SRSF5: variants seen among roughly 807,000 people sequenced by gnomAD.
SRSF5 encodes serine and arginine rich splicing factor 5.
Under a neutral mutation model 34.0 loss-of-function variants are expected in SRSF5, and 5 were observed. The ratio of observed to expected loss-of-function variants is 0.15; its 90% CI spans 0.08 to 0.31. The LOEUF is 0.31. Ranked by LOEUF, SRSF5 falls within the 10% of genes least tolerant of loss-of-function variation. The pLI, the probability that SRSF5 is intolerant of heterozygous loss-of-function variation, is 1.00. For missense variants in SRSF5, 223 were observed against 351.4 expected, an observed-to-expected ratio of 0.63 and a Z score of 2.92; for synonymous variants, 164 against 117.7, an observed-to-expected ratio of 1.39 and a Z score of -2.55.
chr14:69,770,939 C>T (rs1883129963), intron 6 of SRSF5, 56 bp from the exon 7 acceptor site: 1 of 1,436,672 alleles, frequency 7.0e-7, no homozygotes, highest in African/African-American at 1.4e-5. Context: ...CTGCTGTGTG[C>T]AATGTGTGAG....
chr14:69,767,559 G>T (rs1392180757), intron 1 of SRSF5: 2 of 455,850 alleles, frequency 4.4e-6, no homozygotes, highest in African/African-American at 4.0e-5. Flanking sequence ...CTTTGCTGGC[G>T]ATGCGGCTGG....
intron 2 of SRSF5, 104 bp from the exon 3 acceptor site, chr14:69,768,500 C>A: frequency 7.8e-7 from 1 of 1,284,686 alleles, no homozygotes; most frequent in Non-Finnish European, 1.1e-6. Flanking sequence ...ATGGCAGTGT[C>A]GTTAAGATAC....
Position 69,770,549 on chromosome 14 carries a change from T to C in SRSF5, c.440+9T>C, listed in dbSNP as rs1230241287. Reference sequence around the variant, plus strand: ...CCTAAATTAAATGAAGGGTATGTACTGGAAACTGTGAAAGTCTTTAAAAAT... The same window carrying C: ...CCTAAATTAAATGAAGGGTATGTACCGGAAACTGTGAAAGTCTTTAAAAAT... On this transcript the variant is annotated intron_variant, in intron 6 of 7. Transcript: ENST00000557154. 1 of 1,609,058 alleles carries C rather than the reference T, an allele frequency of 6.2e-7. No homozygotes were observed. Among genetic ancestry groups the C allele is most frequent in the South Asian group, 1.1e-5 (1 of 90,002 alleles).
Position 69,771,264 on chromosome 14 carries a change from A to G in SRSF5, c.622A>G (p.Ser208Gly). 3 of 1,614,136 alleles carry G rather than the reference A, an allele frequency of 1.9e-6. No individual in the cohort carries two copies. The highest frequency in any genetic ancestry group is 2.5e-6 in the Non-Finnish European group (3 of 1,180,026). The part of the protein sequence containing the change: ...SRSRSRSRSR[S>G]RKSYSRSRSR... ...GTCTCGTAGCCGATCCCGTTCCCGT[A>G]GTCGCAAATCTTACAGCCGGTCAAG... is the stretch of plus-strand genomic sequence containing the variant. Residue 208 changes from serine (S) to glycine (G), a missense_variant, in exon 8 of 8, where the codon AGT (serine) becomes GGT (glycine). This residue lies in a region of SRSF5 where 115 missense variants were observed against 119.7 expected (regional missense o/e 0.96). Coordinates refer to ENST00000557154, the MANE Select transcript of SRSF5 (RefSeq NM_001320214.2).
intron 1 of SRSF5, chr14:69,767,479 C>T (rs1882606601): frequency 4.4e-6 from 2 of 455,852 alleles, no homozygotes; most frequent in Non-Finnish European, 8.8e-6. Context: ...AGCGGTTGTG[C>T]GCCCGTCCCT....
intron 6 of SRSF5, 147 bp downstream of exon 6, chr14:69,770,687 T>C: frequency 1.3e-6 from 1 of 768,754 alleles, no homozygotes; most frequent in Non-Finnish European, 2.1e-6. Context: ...CCCCACACCT[T>C]TGGCAGTGTC....
chr14:69,770,459 G>T lies in SRSF5; in HGVS notation c.367-8G>T, dbSNP rs1883070389. 6.2e-7 allele frequency: 1 copy of T among 1,613,304 alleles called. No homozygotes were observed. Among genetic ancestry groups the T allele is most frequent in the African/African-American group, 1.3e-5 (1 of 74,782 alleles). The stretch of plus-strand genomic sequence containing the variant: ...CTTCTTTGCTTAACACAATTATCTT[G>T]TGTTAAGGATCTCAAAGATTTCATG... On this transcript the variant is annotated splice_region_variant and splice_polypyrimidine_tract_variant and intron_variant, in intron 5 of 7. Coordinates refer to ENST00000557154, the MANE Select transcript of SRSF5 (RefSeq NM_001320214.2).
intron 4 of SRSF5, 84 bp downstream of exon 4, chr14:69,768,980 T>G (rs1594750432): frequency 6.9e-7 from 1 of 1,451,456 alleles, no homozygotes. Context: ...GTGATGATTT[T>G]GGGTCCTGCC....
In SRSF5 at chr14:69,768,823, C is replaced by T. The variant is rs1487221274; in HGVS notation, c.223C>T (p.Arg75Trp). 1.9e-6 allele frequency: 3 copies of T among 1,614,002 alleles called. No homozygotes were observed. Among genetic ancestry groups the T allele is most frequent in the Non-Finnish European group, 2.5e-6 (3 of 1,180,026 alleles). ...ERVTIEHARA[R>W]SRGGRGRGRY... ...GGTTACTATTGAACATGCTAGGGCTCGGTCACGAGGTGGAAGAGGTAGAGG... is the reference window on the plus strand; with the variant it reads ...GGTTACTATTGAACATGCTAGGGCTTGGTCACGAGGTGGAAGAGGTAGAGG... The change falls in exon 4 of 8, where the codon CGG (arginine) becomes TGG (tryptophan). Residue 75 changes from arginine (R) to tryptophan (W), a missense_variant. Arg to Trp is a moderately radical substitution (Grantham distance 101). This residue lies in a region of SRSF5 where 44 missense variants were observed against 44.3 expected (regional missense o/e 0.99). Coordinates refer to ENST00000557154, the MANE Select transcript of SRSF5 (RefSeq NM_001320214.2).
At position 69,771,644 on chromosome 14, in the gene SRSF5, A is replaced by G. The variant is rs1594756045; in HGVS notation, c.*183A>G. Reference sequence around the variant, plus strand: ...GACCACCAAGGGGTTGTTGAAAACTAATTGTATTAAATGTCTTTTGATAAG... The same window carrying G: ...GACCACCAAGGGGTTGTTGAAAACTGATTGTATTAAATGTCTTTTGATAAG... On this transcript the variant is annotated 3_prime_UTR_variant, in exon 8 of 8. Coordinates refer to ENST00000557154, the MANE Select transcript of SRSF5 (RefSeq NM_001320214.2). 4.5e-6 allele frequency: 3 copies of G among 660,058 alleles called. No individual in the cohort carries two copies. The East Asian group carries it at 8.3e-5, about 18-fold the overall frequency. The allele number at this position is 660,058 out of a possible 1,614,324, so 40.9% of individuals were successfully genotyped here.
chr14:69,771,434 G>A lies in SRSF5; in HGVS notation c.792G>A (p.Arg264=), dbSNP rs1216715617. The A allele has an allele frequency of 6.2e-7, 1 of 1,614,208 alleles. No homozygotes were observed. Among genetic ancestry groups the A allele is most frequent in the South Asian group, 1.1e-5 (1 of 91,086 alleles). The change falls in exon 8 of 8, where the codon AGG becomes AGA. Residue 264 remains arginine, a synonymous_variant. Coordinates refer to ENST00000557154, the MANE Select transcript of SRSF5 (RefSeq NM_001320214.2). ...VDRQRSRSRS[R]SRSVDSGN ...GCCAGAGGTCCCGGTCCCGATCAAG[G>A]TCCAGATCAGTTGACAGTGGCAATT... is the stretch of plus-strand genomic sequence containing the variant.
At chr14:69,768,399 A>G in intron 2 of SRSF5, 117 bp downstream of exon 2, 1 of 1,457,562 alleles carries the variant, frequency 6.9e-7, no homozygotes, top group East Asian at 2.3e-5. Flanking sequence ...ACCCAGCCTT[A>G]TGTCTGAATT....
intron 1 of SRSF5, 114 bp from the exon 2 acceptor site, chr14:69,768,024 C>T: frequency 8.2e-7 from 1 of 1,218,098 alleles, no homozygotes; most frequent in African/African-American, 1.5e-5. Flanking sequence ...TTGGCAATCT[C>T]GTTCATAACA....
chr14:69,769,432 A>T, intron 5 of SRSF5, 181 bp downstream of exon 5: 1 of 1,526,694 alleles, frequency 6.6e-7, no homozygotes, highest in Non-Finnish European at 8.8e-7. Context: ...ATTAGTGATC[A>T]AATGTAAATG....
intron 3 of SRSF5, 49 bp downstream of exon 3, chr14:69,768,723 G>A (rs369508486): frequency 2.2e-5 from 35 of 1,610,846 alleles, no homozygotes; most frequent in Non-Finnish European, 2.6e-5. Context: ...AGCAGACTGG[G>A]TCTGCTGGCA....
intron 6 of SRSF5, 50 bp downstream of exon 6, chr14:69,770,590 C>T (rs1001042489): frequency 2.6e-6 from 4 of 1,525,576 alleles, no homozygotes; most frequent in Non-Finnish European, 1.8e-6. Context: ...GAAAATTTTA[C>T]TGTGAACTTA....
chr14:69,769,549 TGG>T, intron 5 of SRSF5: 1 of 1,535,460 alleles, frequency 6.5e-7, no homozygotes, highest in Non-Finnish European at 8.7e-7. Context: ...GGAGTGCCTG[TGG>T]GTTATCCTAA....
chr14:69,767,243 C>G lies in SRSF5; in HGVS notation c.-32C>G, dbSNP rs960658262. On this transcript the variant is annotated 5_prime_UTR_variant, in exon 1 of 8. Coordinates refer to ENST00000557154, the MANE Select transcript of SRSF5 (RefSeq NM_001320214.2). ...CTGTCTGGGTCTCAGCCGCCAAAGA[C>G]CCCGTCCGGTAGGTGAGTGGCTCAC... The G allele has an allele frequency of 8.0e-6, 3 of 377,232 alleles. No individual in the cohort carries two copies. The Admixed American group carries it at 1.1e-4, about 14-fold the overall frequency. 23.4% of individuals were successfully genotyped at this position (377,232 alleles called of 1,614,324 possible).
In SRSF5 at chr14:69,771,368, T is replaced by G. The variant is rs1439850618; in HGVS notation, c.726T>G (p.Arg242=). 1 of 1,614,126 alleles carries G rather than the reference T, an allele frequency of 6.2e-7. No individual in the cohort carries two copies. Among genetic ancestry groups the G allele is most frequent in the Admixed American group, 1.7e-5 (1 of 60,016 alleles). ...CCGTGCCTGAGAAGAGCCAGAAACG[T>G]GGTTCTTCAAGTAGATCTAAGTCTC... ...RSPVPEKSQK[R]GSSSRSKSPA... The change falls in exon 8 of 8, where the codon CGT becomes CGG. Residue 242 remains arginine (R), a synonymous_variant. Coordinates refer to ENST00000557154, the MANE Select transcript of SRSF5 (RefSeq NM_001320214.2).
Sources: allele counts gnomAD v4.1 joint callset, GRCh38; gene constraint gnomAD v4.1.1; regional missense constraint gnomAD v4.1.1; transcripts MANE v1.5; gene names NCBI Gene and HGNC (gene_info 2026-07-23, HGNC 2026-07-21).